Variants in RAB3GAP2 observed in about 807,000 individuals in gnomAD.
RAB3GAP2 encodes the protein rab3 GTPase-activating protein non-catalytic subunit.
Under a neutral mutation model 185.3 loss-of-function variants are expected in RAB3GAP2, and 87 were observed. The observed-to-expected ratio is 0.47, with a 90% CI of 0.39 to 0.56. The LOEUF (loss-of-function observed/expected upper bound fraction) is 0.56. RAB3GAP2 is among the 20% of genes least tolerant of loss of function. The probability of loss-of-function intolerance (pLI) is 0.00; values close to 1 mark genes in which losing one functional copy is unlikely to be tolerated. For missense variants in RAB3GAP2, 1,492 were observed against 1,638.2 expected (o/e 0.91, Z 1.54); for synonymous variants, 554 against 576.1 (o/e 0.96, Z 0.55).
At chr1:220,198,140 T>C (rs1038328012) in intron 9 of RAB3GAP2, among the ~76,000 whole-genome samples, 1 of 152,024 alleles carries the variant, frequency 6.6e-6, no homozygotes, top group Non-Finnish European at 1.5e-5. Flanking sequence ...CTTGCAAATA[T>C]CCACAACCTC....
At chr1:220,265,178 A>G (rs554221823) in intron 1 of RAB3GAP2, among the ~76,000 whole-genome samples, 4 of 152,250 alleles carry the variant, frequency 2.6e-5, no homozygotes, top group East Asian at 3.9e-4. Flanking sequence ...ATTTTACTAC[A>G]TATAAAAAAT....
intron 28 of RAB3GAP2, among the ~76,000 whole-genome samples, chr1:220,161,687 C>T (rs558396308): frequency 6.6e-6 from 1 of 152,116 alleles, no homozygotes; most frequent in South Asian, 2.1e-4. Flanking sequence ...AGAATAACTC[C>T]TAGGTCTTTT....
intron 17 of RAB3GAP2, among the ~76,000 whole-genome samples, chr1:220,187,796 A>G (rs1355415723): frequency 1.3e-5 from 2 of 151,970 alleles, no homozygotes; most frequent in Non-Finnish European, 2.9e-5. Context: ...TATCCTTTAT[A>G]ATAAATGGGT....
At chr1:220,253,430 C>T (rs2102525005) in intron 1 of RAB3GAP2, 1 of 1,357,632 alleles carries the variant, frequency 7.4e-7, no homozygotes, top group Non-Finnish European at 9.9e-7. Flanking sequence ...AGTGGCCAGA[C>T]TGTTAAAAGA....
intron 1 of RAB3GAP2, 68 bp from the exon 2 acceptor site, chr1:220,232,931 T>G: frequency 7.2e-7 from 1 of 1,396,524 alleles, no homozygotes; most frequent in Non-Finnish European, 1.0e-6. Context: ...AAGCATTTTT[T>G]CTAAACATCA....
intron 1 of RAB3GAP2, among the ~76,000 whole-genome samples, chr1:220,242,364 A>T (rs995880830): frequency 1.3e-5 from 2 of 152,166 alleles, no homozygotes; most frequent in Admixed American, 6.5e-5. Context: ...TGGGGATATA[A>T]GAAATATATT....
Position 220,272,266 on chromosome 1 carries a change from G to A in RAB3GAP2, c.72C>T (p.His24=), listed in dbSNP as rs549315137. 34 of 1,612,172 alleles carry A rather than the reference G, an allele frequency of 2.1e-5. No homozygotes were observed. In the African/African-American group the frequency reaches 3.9e-4, roughly 18 times the overall value. The part of the protein sequence containing the change: ...LQAARDFLFP[H]LREEILSGAL... ...CGCCGCTGAGGATCTCCTCCCGCAG[G>A]TGAGGAAAGAGGAAGTCCCGGGCGG... is the stretch of plus-strand genomic sequence containing the variant. Residue 24 remains histidine, a synonymous_variant, in exon 1 of 35, where the codon CAC becomes CAT. Coordinates refer to ENST00000358951, the MANE Select transcript of RAB3GAP2 (RefSeq NM_012414.4).
At chr1:220,159,266 A>C in intron 29 of RAB3GAP2, 120 bp downstream of exon 29, 1 of 825,324 alleles carries the variant, frequency 1.2e-6, no homozygotes, top group Admixed American at 2.2e-5. Context: ...CATTTTTCTT[A>C]TCTCCTTCTG....
At position 220,149,627 on chromosome 1, in the gene RAB3GAP2, G is replaced by C. The variant is rs1313367649; in HGVS notation, c.*1624C>G. 6.6e-6 allele frequency: 1 copy of C among 152,196 alleles called. No homozygotes were observed. Among genetic ancestry groups the C allele is most frequent in the African/African-American group, 2.4e-5 (1 of 41,426 alleles). The allele number at this position is 152,196 out of a possible 1,614,324, so 9.4% of individuals were successfully genotyped here. ...TTCTAGGATGTGTGTGGCTGGGGCA[G>C]CGGAGACCCAAGCAGAGGCTGGGAG... On this transcript the variant is annotated 3_prime_UTR_variant, in exon 35 of 35. Coordinates refer to ENST00000358951, the MANE Select transcript of RAB3GAP2 (RefSeq NM_012414.4).
chr1:220,237,408 T>C (rs1481634970), intron 1 of RAB3GAP2, among the ~76,000 whole-genome samples: 1 of 152,244 alleles, frequency 6.6e-6, no homozygotes, highest in African/African-American at 2.4e-5. Flanking sequence ...TGTAGTCCAA[T>C]CTAACAAAAT....
chr1:220,201,543 A>G (rs1658858306), intron 9 of RAB3GAP2, among the ~76,000 whole-genome samples: 1 of 152,142 alleles, frequency 6.6e-6, no homozygotes, highest in Non-Finnish European at 1.5e-5. Context: ...TCTGTCACCC[A>G]GGCTGGAGTG....
intron 9 of RAB3GAP2, among the ~76,000 whole-genome samples, chr1:220,200,186 C>T (rs1328435409): frequency 6.6e-6 from 1 of 152,156 alleles, no homozygotes; most frequent in African/African-American, 2.4e-5. Context: ...CCTGATGCTC[C>T]TCTACCTAGA....
At chr1:220,254,362 A>G (rs1266253488) in intron 1 of RAB3GAP2, 7 of 1,613,406 alleles carry the variant, frequency 4.3e-6, no homozygotes, top group Non-Finnish European at 5.1e-6. Flanking sequence ...ACATCTCCTG[A>G]GATTATTTGT....
chr1:220,165,322 TTAATGG>T (rs1307594312), intron 26 of RAB3GAP2, among the ~76,000 whole-genome samples: 15 of 151,480 alleles, frequency 9.9e-5, no homozygotes, highest in South Asian at 2.1e-4. Context: ...ATTTAGTATG[TTAATGG>T]TAAGTGCCAA....
At position 220,155,931 on chromosome 1, in the gene RAB3GAP2, T is replaced by C. The variant is rs145175533; in HGVS notation, c.3555+1339A>G. On this transcript the variant is annotated intron_variant, in intron 31 of 34. Coordinates refer to ENST00000358951, the MANE Select transcript of RAB3GAP2 (RefSeq NM_012414.4). ...CTTATCGCTTATATTCTCAAAGATA[T>C]ACTAACTCATTCAAAATCTATACTT... 4.8e-3 allele frequency among the ~76,000 whole-genome samples: 733 copies of C among 152,248 alleles called. 4 individuals carry two copies. The highest frequency in any genetic ancestry group is 0.041 in the Middle Eastern group (12 of 294).
intron 1 of RAB3GAP2, among the ~76,000 whole-genome samples, chr1:220,257,810 A>G (rs1460794921): frequency 1.3e-5 from 2 of 152,136 alleles, no homozygotes; most frequent in African/African-American, 4.8e-5. Context: ...TAAAAAAATT[A>G]ATAAAATAGA....
chr1:220,183,422 A>T (rs113562091), intron 19 of RAB3GAP2, among the ~76,000 whole-genome samples: 37 of 147,422 alleles, frequency 2.5e-4, no homozygotes, highest in East Asian at 4.0e-4. Flanking sequence ...CTAATTAAAA[A>T]TTTTTTTTTT....
chr1:220,242,918 ATTAAT>A (rs1293193666), intron 1 of RAB3GAP2, among the ~76,000 whole-genome samples: 2 of 152,218 alleles, frequency 1.3e-5, no homozygotes, highest in African/African-American at 4.8e-5. Flanking sequence ...ATCATATAAC[ATTAAT>A]TTAGAGATAA....
chr1:220,229,901 C>A (rs1403046744), intron 2 of RAB3GAP2, among the ~76,000 whole-genome samples: 1 of 152,206 alleles, frequency 6.6e-6, no homozygotes, highest in African/African-American at 2.4e-5. Flanking sequence ...ATAGTGGTAA[C>A]TTAGCTACAT....
Sources: allele counts gnomAD v4.1 joint callset (sites outside exome capture counted in the v4.1 genomes callset), GRCh38; gene constraint gnomAD v4.1.1; transcripts MANE v1.5; gene names NCBI Gene and HGNC (gene_info 2026-07-23, HGNC 2026-07-21).